Variants in PHACTR4 observed in about 807,000 individuals in gnomAD.
The protein encoded by PHACTR4 is phosphatase and actin regulator 4.
Under a neutral mutation model 72.7 loss-of-function variants are expected in PHACTR4, and 51 were observed. The ratio of observed to expected loss-of-function variants is 0.70; its 90% CI spans 0.56 to 0.89. The LOEUF (loss-of-function observed/expected upper bound fraction) is 0.89, where lower values mean the gene tolerates loss of function less well. PHACTR4 is among the 40% of genes least tolerant of loss of function. The pLI, the probability that PHACTR4 is intolerant of heterozygous loss-of-function variation, is 0.00. For missense variants in PHACTR4, 731 were observed against 861.8 expected, an observed-to-expected ratio of 0.85 and a Z score of 1.90; for synonymous variants, 255 against 302.5, an observed-to-expected ratio of 0.84 and a Z score of 1.63.
chr1:28,444,918 C>T (rs919797752), intron 2 of PHACTR4, among the ~76,000 whole-genome samples: 6 of 150,296 alleles, frequency 4.0e-5, no homozygotes, highest in Admixed American at 1.3e-4. Context: ...TGAGCCACTG[C>T]GCCCAGCCTC....
chr1:28,419,279 T>A (rs1655344112), intron 2 of PHACTR4, among the ~76,000 whole-genome samples: 1 of 151,854 alleles, frequency 6.6e-6, no homozygotes, highest in Admixed American at 6.6e-5. Context: ...CGACCGTGGC[T>A]GGCCTGTTTT....
intron 1 of PHACTR4, among the ~76,000 whole-genome samples, chr1:28,395,493 G>A (rs1310874993): frequency 6.6e-6 from 1 of 152,092 alleles, no homozygotes; most frequent in Non-Finnish European, 1.5e-5. Flanking sequence ...ATGCTTCTTA[G>A]TGGTAACAGA....
intron 2 of PHACTR4, among the ~76,000 whole-genome samples, chr1:28,415,633 A>G (rs1490157073): frequency 6.6e-6 from 1 of 152,250 alleles, no homozygotes; most frequent in Non-Finnish European, 1.5e-5. Flanking sequence ...TTAAGTTTCT[A>G]TATACCCTCT....
At chr1:28,468,394 C>G (rs1659347263) in intron 6 of PHACTR4, among the ~76,000 whole-genome samples, 1 of 151,630 alleles carries the variant, frequency 6.6e-6, no homozygotes, top group Admixed American at 6.6e-5. Flanking sequence ...AGTTCAAGAC[C>G]AGCCTGGCCA....
intron 1 of PHACTR4, among the ~76,000 whole-genome samples, chr1:28,370,358 G>T (rs192425361): frequency 6.6e-6 from 1 of 152,054 alleles, no homozygotes; most frequent in Non-Finnish European, 1.5e-5. Context: ...CAGCCTGGGC[G>T]GCTTCAGGGC....
chr1:28,412,742 C>G (rs1047802744), intron 2 of PHACTR4, among the ~76,000 whole-genome samples: 4 of 152,160 alleles, frequency 2.6e-5, no homozygotes, highest in African/African-American at 9.7e-5. Flanking sequence ...TCTCAGGGAT[C>G]CCCAGAGATC....
chr1:28,432,996 G>T, intron 2 of PHACTR4: 1 of 847,866 alleles, frequency 1.2e-6, no homozygotes, highest in Non-Finnish European at 1.4e-6. Flanking sequence ...CCCCCGCTTG[G>T]CCTCCCAAAG....
chr1:28,451,101 C>T (rs1027871518), intron 2 of PHACTR4, among the ~76,000 whole-genome samples: 3 of 150,622 alleles, frequency 2.0e-5, no homozygotes, highest in Admixed American at 6.7e-5. Flanking sequence ...ATTATAGGCA[C>T]GAGCCACCGC....
chr1:28,495,527 C>G (rs1371013655), intron 13 of PHACTR4, among the ~76,000 whole-genome samples: 2 of 152,000 alleles, frequency 1.3e-5, no homozygotes, highest in East Asian at 1.9e-4. Context: ...GATATGCAGC[C>G]TAGAATCCAG....
chr1:28,433,214 A>T (rs1330352363), intron 2 of PHACTR4, among the ~76,000 whole-genome samples: 1 of 152,172 alleles, frequency 6.6e-6, no homozygotes, highest in Non-Finnish European at 1.5e-5. Flanking sequence ...AGTTAAAGTG[A>T]TTCTTCCTTT....
intron 2 of PHACTR4, among the ~76,000 whole-genome samples, chr1:28,425,628 A>T (rs552713982): frequency 1.4e-4 from 21 of 152,294 alleles, no homozygotes; most frequent in African/African-American, 5.1e-4. Context: ...CTTGTTAGGA[A>T]TTTCTGCATA....
intron 1 of PHACTR4, among the ~76,000 whole-genome samples, chr1:28,406,436 A>G (rs1654330228): frequency 6.6e-6 from 1 of 152,170 alleles, no homozygotes; most frequent in Admixed American, 6.6e-5. Flanking sequence ...GGGGGAAAAA[A>G]AAAGCCAAGG....
intron 2 of PHACTR4, among the ~76,000 whole-genome samples, chr1:28,414,463 G>A (rs1246958702): frequency 1.6e-5 from 2 of 127,206 alleles, no homozygotes; most frequent in Non-Finnish European, 3.2e-5. Context: ...CCGCAGCCTC[G>A]ACCTCCTGAG....
In PHACTR4 at chr1:28,381,156, A is replaced by G. The variant is rs1335019681; in HGVS notation, c.-39+11331A>G. 2.7e-5 allele frequency among the ~76,000 whole-genome samples: 4 copies of G among 150,192 alleles called. No homozygotes were observed. In the East Asian group the frequency reaches 7.8e-4, roughly 29 times the overall value. On this transcript the variant is annotated intron_variant, in intron 1 of 13. Coordinates refer to ENST00000373839, the MANE Select transcript of PHACTR4 (RefSeq NM_001048183.3). ...CCAGTAGCTGGGATTACAGGCCCACACCACCACGCCCGGCTAATTTTTGTA... is the reference window on the plus strand; with the variant it reads ...CCAGTAGCTGGGATTACAGGCCCACGCCACCACGCCCGGCTAATTTTTGTA...
At chr1:28,415,260 CAAA>C (rs535288012) in intron 2 of PHACTR4, among the ~76,000 whole-genome samples, 1 of 110,322 alleles carries the variant, frequency 9.1e-6, no homozygotes, top group Non-Finnish European at 1.9e-5. Context: ...GACTCTGTCT[CAAA>C]AAAAAAAAAA....
rs1223224199 is a variant in PHACTR4 at position 28,434,962 on chromosome 1, G to C, written c.17-24123G>C. 3.9e-5 allele frequency among the ~76,000 whole-genome samples: 6 copies of C among 152,250 alleles called. No individual in the cohort carries two copies. In the East Asian group the frequency reaches 1.2e-3, roughly 29 times the overall value. ...CATGTCTACATAAATTAGATTAGAA[G>C]GTACTGTTTCTGGGCTGTGTGTGTG... On this transcript the variant is annotated intron_variant, in intron 2 of 13. Coordinates refer to ENST00000373839, the MANE Select transcript of PHACTR4 (RefSeq NM_001048183.3).
At chr1:28,399,815 AGG>A (rs999648540) in intron 1 of PHACTR4, among the ~76,000 whole-genome samples, 9 of 152,220 alleles carry the variant, frequency 5.9e-5, no homozygotes, top group African/African-American at 2.2e-4. Flanking sequence ...TGTTTTGAAA[AGG>A]GGGTGCCAAG....
intron 1 of PHACTR4, among the ~76,000 whole-genome samples, chr1:28,387,787 G>A (rs942777641): frequency 6.6e-6 from 1 of 151,894 alleles, no homozygotes; most frequent in African/African-American, 2.4e-5. Flanking sequence ...GAGTGCAATG[G>A]CACGATCTTG....
rs1380489836 is a variant in PHACTR4 at position 28,392,849 on chromosome 1, T to C, written c.-38-14561T>C. On this transcript the variant is annotated intron_variant, in intron 1 of 13. Coordinates refer to ENST00000373839, the MANE Select transcript of PHACTR4 (RefSeq NM_001048183.3). ...GCATATTGTATTTGAAAGAATGAAT[T>C]TTCTATCTGTGAAATTGTGAAGACG... Among the ~76,000 whole-genome samples the C allele has an allele frequency of 2.0e-5, 3 of 152,190 alleles. No homozygotes were observed. The East Asian group carries it at 5.8e-4, about 29-fold the overall frequency.
Sources: allele counts gnomAD v4.1 joint callset (sites outside exome capture counted in the v4.1 genomes callset), GRCh38; gene constraint gnomAD v4.1.1; transcripts MANE v1.5; gene names NCBI Gene and HGNC (gene_info 2026-07-23, HGNC 2026-07-21).